The following BBS12 variants were observed in gnomAD, a reference collection of about 807,000 sequenced individuals.
BBS12 encodes Bardet-Biedl syndrome 12.
In BBS12, 5 loss-of-function variants were observed where a neutral mutation model predicts 5.6. The observed-to-expected ratio is 0.89, with a 90% CI of 0.46 to 1.86. The LOEUF (loss-of-function observed/expected upper bound fraction) is 1.86. BBS12 is among the 40% of genes most tolerant of loss of function. The pLI, the probability that BBS12 is intolerant of heterozygous loss-of-function variation, is 0.01. For missense variants in BBS12, 748 were observed against 830.4 expected, an observed-to-expected ratio of 0.90 and a Z score of 1.22; for synonymous variants, 308 against 306.8, an observed-to-expected ratio of 1.00 and a Z score of -0.04.
chr4:122,728,384 T>C (rs111645548), upstream of BBS12: 1 of 152,212 alleles, frequency 6.6e-6, no homozygotes, highest in African/African-American at 2.4e-5. Context: ...TGTAACTATT[T>C]CTCAAATATA....
intron 1 of BBS12, among the ~76,000 whole-genome samples, chr4:122,740,091 C>T (rs1393394416): frequency 3.3e-5 from 5 of 149,844 alleles, no homozygotes; most frequent in African/African-American, 5.0e-5. Flanking sequence ...GGCAGCATGG[C>T]GAAATCCCAT....
In BBS12 at chr4:122,743,657, A is replaced by G; in HGVS notation, c.1765A>G (p.Lys589Glu). 1 of 1,614,176 alleles carries G rather than the reference A, an allele frequency of 6.2e-7. No individual in the cohort carries two copies. Among genetic ancestry groups the G allele is most frequent in the Non-Finnish European group, 8.5e-7 (1 of 1,180,026 alleles). ...SLAIYRPTVL[K>E]FLANGWQKYL... Reference sequence around the variant, plus strand: ...GGCAATATACAGACCAACTGTGCTTAAATTCCTGGCAAATGGATGGCAGAA... The same window carrying G: ...GGCAATATACAGACCAACTGTGCTTGAATTCCTGGCAAATGGATGGCAGAA... The change falls in exon 2 of 2, where the codon AAA becomes GAA. Residue 589 changes from lysine to glutamate, a missense_variant. Physicochemically the swap from Lys to Glu is moderately conservative, Grantham distance 56. Transcript: ENST00000314218.
chr4:122,737,384 T>TA (rs1414174316), intron 1 of BBS12, among the ~76,000 whole-genome samples: 1 of 152,256 alleles, frequency 6.6e-6, no homozygotes, highest in Admixed American at 6.5e-5. Flanking sequence ...ACCTGGGTTT[T>TA]AGTCCATAGC....
the BBS12 span, among the ~76,000 whole-genome samples, chr4:122,719,628 A>G: frequency 6.6e-6 from 1 of 152,192 alleles, no homozygotes; most frequent in Non-Finnish European, 1.5e-5. Context: ...TCACTCCTGA[A>G]GTCAGCGAGA....
At chr4:122,736,455 A>G (rs1222193658) in intron 1 of BBS12, among the ~76,000 whole-genome samples, 1 of 152,170 alleles carries the variant, frequency 6.6e-6, no homozygotes, top group Non-Finnish European at 1.5e-5. Context: ...AAAGCATTGC[A>G]TGTCTTATTA....
At chr4:122,727,544 A>ATTTTTTTTTTTTT in the BBS12 span, among the ~76,000 whole-genome samples, 454 of 82,278 alleles carry the variant, frequency 5.5e-3, 89 homozygotes, top group African/African-American at 0.013. Context: ...CCCCTGGCCA[A>ATTTTTTTTTTTTT]TTTTTTTTTT....
rs1396448803 is a variant in BBS12, at chr4:122,732,795, T to A, written c.-100T>A. Reference sequence around the variant, plus strand: ...GGAACTGGGCTCCCTAGCCCTGGCGTTTTTGGTGTTGCTGTCCCAGCCAGA... The same window carrying A: ...GGAACTGGGCTCCCTAGCCCTGGCGATTTTGGTGTTGCTGTCCCAGCCAGA... On this transcript the variant is annotated 5_prime_UTR_variant, in exon 1 of 2. Transcript: ENST00000314218. 6.6e-6 allele frequency: 1 copy of A among 152,176 alleles called. No individual in the cohort carries two copies. Among genetic ancestry groups the A allele is most frequent in the Admixed American group, 6.6e-5 (1 of 15,266 alleles). The allele number at this position is 152,176 out of a possible 1,614,324, so 9.4% of individuals were successfully genotyped here. A position where few individuals can be genotyped will look rare whatever the true frequency, so the allele number is the denominator to read the frequency against.
At chr4:122,722,034 C>T in the BBS12 span, among the ~76,000 whole-genome samples, 27 of 152,318 alleles carry the variant, frequency 1.8e-4, no homozygotes, top group African/African-American at 5.1e-4. Flanking sequence ...TATTTTCCTA[C>T]ATTTTCTCCT....
Position 122,743,544 on chromosome 4 carries a change from A to G in BBS12, c.1652A>G (p.His551Arg), listed in dbSNP as rs1174030927. 1.2e-6 allele frequency: 2 copies of G among 1,614,204 alleles called. No individual in the cohort carries two copies. Among genetic ancestry groups the G allele is most frequent in the East Asian group, 2.2e-5 (1 of 44,882 alleles). Residue 551 changes from histidine (H) to arginine (R), a missense_variant, in exon 2 of 2, where the codon CAT (histidine) becomes CGT (arginine). His to Arg is a conservative substitution (Grantham distance 29). Transcript: ENST00000314218. ...AVEFLCLSCL[H>R]ILAEQSLKKE... is the part of the protein sequence containing the mutation. Reference sequence around the variant, plus strand: ...GAATTTTTGTGTCTTAGCTGTCTTCATATTCTTGCAGAGCAATCTCTGAAA... The same window carrying G: ...GAATTTTTGTGTCTTAGCTGTCTTCGTATTCTTGCAGAGCAATCTCTGAAA...
At chr4:122,727,945 ACACT>A (rs1800645297), upstream of BBS12, among the ~76,000 whole-genome samples, 1 of 152,156 alleles carries the variant, frequency 6.6e-6, no homozygotes, top group Non-Finnish European at 1.5e-5. Flanking sequence ...ATGTGAAAAA[ACACT>A]CAATGCCTCT....
At chr4:122,719,536 C>A in the BBS12 span, among the ~76,000 whole-genome samples, 11 of 152,216 alleles carry the variant, frequency 7.2e-5, no homozygotes, top group South Asian at 1.5e-3. Context: ...GTCAGCGAGA[C>A]CATGAACCCA....
At chr4:122,713,845 T>C in the BBS12 span, among the ~76,000 whole-genome samples, 2 of 152,216 alleles carry the variant, frequency 1.3e-5, no homozygotes, top group African/African-American at 4.8e-5. Flanking sequence ...CCTTTTTCAT[T>C]TGGGATTTTT....
Position 122,743,072 on chromosome 4 carries a change from G to A in BBS12, c.1180G>A (p.Glu394Lys). Residue 394 changes from glutamate to lysine, a missense_variant, in exon 2 of 2, where the codon GAA becomes AAA. Coordinates refer to ENST00000314218, the MANE Select transcript of BBS12 (RefSeq NM_152618.3). ...GCGGCTTCAAGAAGACAGCTCAGAA[G>A]AACTGTGGGCAAATCACGTGTTACA... Reference protein sequence around the residue: ...SMRLQEDSSEELWANHVLQVL... With the variant: ...SMRLQEDSSEKLWANHVLQVL... 1 of 1,614,240 alleles carries A rather than the reference G, an allele frequency of 6.2e-7. No homozygotes were observed. Among genetic ancestry groups the A allele is most frequent in the Non-Finnish European group, 8.5e-7 (1 of 1,180,038 alleles).
intron 1 of BBS12, among the ~76,000 whole-genome samples, chr4:122,740,860 C>T (rs1800860145): frequency 6.6e-6 from 1 of 152,116 alleles, no homozygotes; most frequent in African/African-American, 2.4e-5. Flanking sequence ...ATATTCACTC[C>T]TTATAATGAC....
chr4:122,735,449 G>A (rs537562456), intron 1 of BBS12, among the ~76,000 whole-genome samples: 5 of 152,240 alleles, frequency 3.3e-5, no homozygotes, highest in Non-Finnish European at 7.4e-5. Context: ...GGAGTAATCT[G>A]TTTAGGTTTG....
intron 1 of BBS12, among the ~76,000 whole-genome samples, chr4:122,734,998 G>T (rs1363941655): frequency 6.6e-6 from 1 of 152,116 alleles, no homozygotes; most frequent in Non-Finnish European, 1.5e-5. Context: ...GAGTTCGAAA[G>T]AAATAAAAAT....
At chr4:122,706,485 A>C in the BBS12 span, among the ~76,000 whole-genome samples, 8 of 151,596 alleles carry the variant, frequency 5.3e-5, no homozygotes, top group Non-Finnish European at 1.0e-4. Flanking sequence ...AATTCCTAAG[A>C]CTCTTCTTGG....
rs369696220 is a variant in BBS12, at chr4:122,743,885, G to A, written c.1993G>A (p.Val665Ile). 47 of 1,604,252 alleles carry A rather than the reference G, an allele frequency of 2.9e-5. No homozygotes were observed. Among genetic ancestry groups the A allele is most frequent in the Admixed American group, 5.1e-5 (3 of 58,494 alleles). Residue 665 changes from valine to isoleucine, a missense_variant, in exon 2 of 2, where the codon GTT (valine) becomes ATT (isoleucine). By Grantham distance (29) the Val-to-Ile change is conservative. Coordinates refer to ENST00000314218, the MANE Select transcript of BBS12 (RefSeq NM_152618.3). ...KLEQIPRVYD[V>I]VTPKIEAWRR... ...GGAGCAGATTCCGAGAGTTTATGAC[G>A]TTGTTACACCAAAGATTGAGGCGTG...
chr4:122,710,011 T>C, the BBS12 span, among the ~76,000 whole-genome samples: 17 of 152,250 alleles, frequency 1.1e-4, no homozygotes, highest in Middle Eastern at 6.8e-3. Flanking sequence ...TGCTATGAAA[T>C]AGAAATTGAG....
Sources: allele counts gnomAD v4.1 joint callset (sites outside exome capture counted in the v4.1 genomes callset), GRCh38; gene constraint gnomAD v4.1.1; transcripts MANE v1.5; gene names NCBI Gene and HGNC (gene_info 2026-07-23, HGNC 2026-07-21).